The following ATP6V1A variants were observed in gnomAD, a reference collection of about 807,000 sequenced individuals.
ATP6V1A encodes V-type proton ATPase catalytic subunit A.
A neutral mutation model predicts 70.1 loss-of-function variants in ATP6V1A; 18 were observed. That is an observed-to-expected ratio of 0.26 (90% CI 0.18 to 0.38). ATP6V1A has a LOEUF of 0.38. ATP6V1A is among the 10% of genes least tolerant of loss of function. The pLI is 1.00. For missense variants in ATP6V1A, 424 were observed against 772.4 expected (o/e 0.55, Z 5.35); for synonymous variants, 232 against 253.8 (o/e 0.91, Z 0.82).
chr3:113,768,631 T>A (rs990196061), intron 1 of ATP6V1A, among the ~76,000 whole-genome samples: 3 of 148,864 alleles, frequency 2.0e-5, no homozygotes, highest in Non-Finnish European at 3.0e-5. Context: ...AGTCTCACTC[T>A]GTTGCCCAGG....
intron 1 of ATP6V1A, among the ~76,000 whole-genome samples, chr3:113,751,206 TA>T (rs1200891865): frequency 6.6e-6 from 1 of 152,136 alleles, no homozygotes; most frequent in Non-Finnish European, 1.5e-5. Flanking sequence ...TAAGTGTTTT[TA>T]TATCTTATTT....
At chr3:113,789,071 G>A (rs1377008851) in intron 7 of ATP6V1A, among the ~76,000 whole-genome samples, 196 bp downstream of exon 7, 5 of 152,058 alleles carry the variant, frequency 3.3e-5, no homozygotes, top group African/African-American at 1.2e-4. Context: ...GTGTGTGATG[G>A]AGTTTCACTC....
intron 1 of ATP6V1A, among the ~76,000 whole-genome samples, chr3:113,767,212 G>T (rs143865908): frequency 0.012 from 1,786 of 149,766 alleles, 29 homozygotes; most frequent in African/African-American, 0.04. Context: ...CTGCCTCAGC[G>T]CCCCGAGTAG....
chr3:113,775,242 T>C (rs532207790), intron 1 of ATP6V1A, among the ~76,000 whole-genome samples: 1 of 152,114 alleles, frequency 6.6e-6, no homozygotes, highest in South Asian at 2.1e-4. Flanking sequence ...TTTTTTTTTT[T>C]TTTTGAGATG....
intron 8 of ATP6V1A, among the ~76,000 whole-genome samples, chr3:113,794,518 A>G (rs924666901): frequency 6.6e-6 from 1 of 152,228 alleles, no homozygotes; most frequent in African/African-American, 2.4e-5. Flanking sequence ...CCAGCCTGAA[A>G]TGAGCTCTAC....
intron 4 of ATP6V1A, 127 bp from the exon 5 acceptor site, chr3:113,784,569 C>G (rs765700854): frequency 6.2e-5 from 87 of 1,406,490 alleles, no homozygotes; most frequent in Non-Finnish European, 7.9e-5. Flanking sequence ...TTTCTTAACT[C>G]TACTTCATGG....
At chr3:113,778,409 C>T (rs572215164) in intron 1 of ATP6V1A, among the ~76,000 whole-genome samples, 99 of 151,724 alleles carry the variant, frequency 6.5e-4, no homozygotes, top group African/African-American at 2.3e-3. Context: ...AACAAACAAA[C>T]AAACAAACAA....
chr3:113,756,529 T>A (rs1209219357), intron 1 of ATP6V1A, among the ~76,000 whole-genome samples: 3 of 152,214 alleles, frequency 2.0e-5, no homozygotes. Context: ...TTAACATTTC[T>A]AGCATCCCTG....
At chr3:113,750,275 C>T (rs1190995350) in intron 1 of ATP6V1A, among the ~76,000 whole-genome samples, 3 of 152,034 alleles carry the variant, frequency 2.0e-5, no homozygotes, top group East Asian at 1.9e-4. Flanking sequence ...GTCAGGAGAT[C>T]GAGACCATCC....
At position 113,789,788 on chromosome 3, in the gene ATP6V1A, A is replaced by G; in HGVS notation, c.936A>G (p.Val312=). The change falls in exon 8 of 15, where the codon GTA becomes GTG. Residue 312 remains valine, a synonymous_variant. Transcript: ENST00000273398. ...CAATTATGAAGAGGACAGCTTTGGT[A>G]GCCAATACCTCCAATATGCCTGTTG... ...VESIMKRTAL[V]ANTSNMPVAA... 6.2e-7 allele frequency: 1 copy of G among 1,613,334 alleles called. No homozygotes were observed. Among genetic ancestry groups the G allele is most frequent in the Non-Finnish European group, 8.5e-7 (1 of 1,179,290 alleles).
intron 1 of ATP6V1A, among the ~76,000 whole-genome samples, chr3:113,751,668 T>C (rs1708587701): frequency 6.6e-6 from 1 of 151,202 alleles, no homozygotes; most frequent in Admixed American, 6.6e-5. Flanking sequence ...TTCATTTATA[T>C]TTAGTATATA....
At chr3:113,774,004 A>G (rs1009219646) in intron 1 of ATP6V1A, among the ~76,000 whole-genome samples, 11 of 152,204 alleles carry the variant, frequency 7.2e-5, no homozygotes, top group Admixed American at 5.9e-4. Flanking sequence ...CAATGCTTAA[A>G]AAAAATACAG....
chr3:113,762,608 C>G (rs1486595479), intron 1 of ATP6V1A, among the ~76,000 whole-genome samples: 1 of 151,994 alleles, frequency 6.6e-6, no homozygotes, highest in African/African-American at 2.4e-5. Context: ...GGCAGTTTAT[C>G]TGACAAAAGC....
chr3:113,775,967 T>C (rs569448542), intron 1 of ATP6V1A, among the ~76,000 whole-genome samples: 3 of 152,254 alleles, frequency 2.0e-5, no homozygotes, highest in Non-Finnish European at 2.9e-5. Flanking sequence ...TCATAGTTTC[T>C]AGAACGTCTT....
intron 1 of ATP6V1A, among the ~76,000 whole-genome samples, chr3:113,776,674 A>G (rs368790022): frequency 1.3e-5 from 2 of 152,154 alleles, no homozygotes; most frequent in Non-Finnish European, 2.9e-5. Flanking sequence ...TCTTCTCATA[A>G]TAGTTCTCCC....
intron 8 of ATP6V1A, among the ~76,000 whole-genome samples, chr3:113,794,286 G>A (rs1173317316): frequency 6.6e-6 from 1 of 152,164 alleles, no homozygotes; most frequent in Non-Finnish European, 1.5e-5. Flanking sequence ...TTGTGTGTGT[G>A]TATGTGATAT....
intron 1 of ATP6V1A, among the ~76,000 whole-genome samples, chr3:113,765,617 AAGAG>A (rs768173066): frequency 5.4e-5 from 8 of 146,798 alleles, no homozygotes; most frequent in African/African-American, 1.8e-4. Flanking sequence ...AAAAACAAAA[AAGAG>A]AGAGAGAGAT....
chr3:113,777,000 A>G (rs1212980861), intron 1 of ATP6V1A, among the ~76,000 whole-genome samples: 1 of 152,196 alleles, frequency 6.6e-6, no homozygotes, highest in Non-Finnish European at 1.5e-5. Context: ...AAATAAGGGT[A>G]TATTATTTGG....
chr3:113,759,719 C>G (rs1708680905), intron 1 of ATP6V1A, among the ~76,000 whole-genome samples: 1 of 152,110 alleles, frequency 6.6e-6, no homozygotes, highest in South Asian at 2.1e-4. Flanking sequence ...TCTTGGCCAT[C>G]AAGCATTAGG....
Sources: gnomAD v4.1 joint callset for allele counts (sites outside exome capture counted in the v4.1 genomes callset) on GRCh38, gnomAD v4.1.1 for gene constraint, MANE v1.5 for transcripts, NCBI Gene and HGNC (gene_info 2026-07-23, HGNC 2026-07-21) for gene names.